The following MMP26 variants were observed in gnomAD, a reference collection of about 807,000 sequenced individuals.
MMP26 encodes matrix metalloproteinase-26.
In MMP26, 33 loss-of-function variants were observed where a neutral mutation model predicts 31.0. The observed-to-expected ratio is 1.06, with a 90% confidence interval of 0.81 to 1.42. The LOEUF (loss-of-function observed/expected upper bound fraction) is 1.42. Ranked by LOEUF, MMP26 falls within the 40% of genes most tolerant of loss-of-function variation. The pLI, the probability that MMP26 is intolerant of heterozygous loss-of-function variation, is 0.00. For missense variants in MMP26, 347 were observed against 316.1 expected, an observed-to-expected ratio of 1.10 and a Z score of -0.74; for synonymous variants, 122 against 114.9, an observed-to-expected ratio of 1.06 and a Z score of -0.40.
chr11:4,978,256 A>G lies in MMP26; in HGVS notation c.-144-9812A>G, dbSNP rs114427160. 3.5e-3 allele frequency among the ~76,000 whole-genome samples: 535 copies of G among 152,218 alleles called. 5 individuals carry two copies. Among genetic ancestry groups the G allele is most frequent in the African/African-American group, 0.012 (517 of 41,544 alleles). The stretch of plus-strand genomic sequence containing the variant: ...GGTATCTCTTTACAGTAGTGCAAAA[A>G]TGGACAAAGACATCCATTTAGCATC... On this transcript the variant is annotated intron_variant, in intron 2 of 7. Coordinates refer to ENST00000380390, the MANE Select transcript of MMP26 (RefSeq NM_021801.5).
chr11:4,914,916 T>C (rs1343383934), intron 2 of MMP26: 3 of 1,613,958 alleles, frequency 1.9e-6, no homozygotes, highest in South Asian at 1.1e-5. Context: ...ACAGCACAGA[T>C]GTGGGAAACA....
chr11:4,807,169 A>G (rs1305606431), intron 2 of MMP26, among the ~76,000 whole-genome samples: 2 of 152,216 alleles, frequency 1.3e-5, no homozygotes, highest in African/African-American at 4.8e-5. Flanking sequence ...AGCATGATTT[A>G]TAAACCTTTG....
intron 2 of MMP26, among the ~76,000 whole-genome samples, chr11:4,775,583 A>G (rs1848780409): frequency 6.6e-6 from 1 of 152,104 alleles, no homozygotes; most frequent in African/African-American, 2.4e-5. Context: ...TAATTTGTAA[A>G]GAAACAGAGG....
At chr11:4,759,155 A>C (rs1402444152) in intron 1 of MMP26, among the ~76,000 whole-genome samples, 1 of 151,772 alleles carries the variant, frequency 6.6e-6, no homozygotes, top group Non-Finnish European at 1.5e-5. Flanking sequence ...TTTGGCAAAA[A>C]TAATTAAAAA....
intron 2 of MMP26, among the ~76,000 whole-genome samples, chr11:4,866,750 G>A (rs183842160): frequency 6.6e-6 from 1 of 151,992 alleles, no homozygotes; most frequent in Non-Finnish European, 1.5e-5. Flanking sequence ...AGACCAATGG[G>A]AAAGAACAGA....
intron 2 of MMP26, among the ~76,000 whole-genome samples, chr11:4,846,169 C>A (rs1028077238): frequency 4.6e-5 from 7 of 152,082 alleles, no homozygotes; most frequent in Admixed American, 6.5e-5. Context: ...CATCAACAGA[C>A]AAATAGATAA....
intron 2 of MMP26, among the ~76,000 whole-genome samples, chr11:4,866,883 G>A (rs1273387344): frequency 6.6e-6 from 1 of 152,080 alleles, no homozygotes; most frequent in Non-Finnish European, 1.5e-5. Context: ...CAGGCCATAG[G>A]CAGAAAACTG....
intron 2 of MMP26, chr11:4,924,269 C>A (rs1198629138): frequency 6.2e-7 from 1 of 1,613,830 alleles, no homozygotes; most frequent in Non-Finnish European, 8.5e-7. Flanking sequence ...GCCATGGAGA[C>A]CTTCTAGACC....
intron 2 of MMP26, among the ~76,000 whole-genome samples, chr11:4,911,186 T>C (rs1850986322): frequency 6.6e-6 from 1 of 152,190 alleles, no homozygotes; most frequent in African/African-American, 2.4e-5. Context: ...TTATTTATAA[T>C]GGTCTTTGTC....
At chr11:4,892,613 AT>A (rs1418622039) in intron 2 of MMP26, among the ~76,000 whole-genome samples, 1 of 152,186 alleles carries the variant, frequency 6.6e-6, no homozygotes, top group African/African-American at 2.4e-5. Context: ...ATTAAACTGA[AT>A]TGATTTCCAT....
At chr11:4,854,786 G>A (rs1013227392) in intron 2 of MMP26, among the ~76,000 whole-genome samples, 33 of 152,328 alleles carry the variant, frequency 2.2e-4, no homozygotes, top group African/African-American at 7.7e-4. Flanking sequence ...CCTGACCCTC[G>A]AGTAGCCTAA....
chr11:4,931,219 A>G lies in MMP26; in HGVS notation c.-144-56849A>G, dbSNP rs140511265. Reference sequence around the variant, plus strand: ...GAGCAAAGTGAGACAGGGTTCTGGAAGGGTTATCCATGGGGAGCTATATAA... The same window carrying G: ...GAGCAAAGTGAGACAGGGTTCTGGAGGGGTTATCCATGGGGAGCTATATAA... On this transcript the variant is annotated intron_variant, in intron 2 of 7. Coordinates refer to ENST00000380390, the MANE Select transcript of MMP26 (RefSeq NM_021801.5). Among the ~76,000 whole-genome samples the G allele has an allele frequency of 8.5e-5, 13 of 152,210 alleles. 1 individual carries two copies. In the East Asian group the frequency reaches 1.5e-3, roughly 18 times the overall value.
chr11:4,954,723 C>A, intron 2 of MMP26: 1 of 810,184 alleles, frequency 1.2e-6, no homozygotes, highest in Non-Finnish European at 2.0e-6. Context: ...CTCAAATTTA[C>A]CTTAAATATC....
chr11:4,740,203 A>G (rs1352054205), intron 1 of MMP26, among the ~76,000 whole-genome samples: 1 of 152,232 alleles, frequency 6.6e-6, no homozygotes, highest in East Asian at 1.9e-4. Flanking sequence ...ATAATTTTAG[A>G]AGAACATTTT....
chr11:4,803,515 A>C, intron 2 of MMP26: 1 of 1,614,098 alleles, frequency 6.2e-7, no homozygotes, highest in Non-Finnish European at 8.5e-7. Context: ...GGGGTTGAGC[A>C]TGGGAGGTAT....
intron 2 of MMP26, among the ~76,000 whole-genome samples, chr11:4,871,461 T>C (rs986015855): frequency 2.6e-5 from 4 of 152,016 alleles, no homozygotes; most frequent in Admixed American, 6.6e-5. Flanking sequence ...CACGTTCATA[T>C]AGGACTGAGA....
chr11:4,773,824 G>C (rs1267475383), intron 2 of MMP26, among the ~76,000 whole-genome samples: 1 of 151,928 alleles, frequency 6.6e-6, no homozygotes, highest in African/African-American at 2.4e-5. Flanking sequence ...AGTGTGTGTT[G>C]TTCTCCTTTC....
chr11:4,706,245 T>A (rs1395651033), intron 1 of MMP26, among the ~76,000 whole-genome samples: 3 of 152,110 alleles, frequency 2.0e-5, no homozygotes, highest in Admixed American at 2.0e-4. Flanking sequence ...TTTATTTTTA[T>A]TTTTGCTGTT....
At chr11:4,834,335 G>C (rs1231175189) in intron 2 of MMP26, among the ~76,000 whole-genome samples, 2 of 152,108 alleles carry the variant, frequency 1.3e-5, no homozygotes, top group Non-Finnish European at 2.9e-5. Flanking sequence ...TTTAATACCT[G>C]AGCCTCCCTA....
Sources: allele counts gnomAD v4.1 joint callset (sites outside exome capture counted in the v4.1 genomes callset), GRCh38; gene constraint gnomAD v4.1.1; transcripts MANE v1.5; gene names NCBI Gene and HGNC (gene_info 2026-07-23, HGNC 2026-07-21).